Variants in ANKS3 observed in about 807,000 individuals in gnomAD.
ANKS3 encodes ankyrin repeat and SAM domain-containing protein 3.
A neutral mutation model predicts 80.7 loss-of-function variants in ANKS3; 62 were observed. That is an observed-to-expected ratio of 0.77 (90% CI 0.63 to 0.95). The LOEUF (loss-of-function observed/expected upper bound fraction) is 0.95. ANKS3 is among the 40% of genes least tolerant of loss of function. ANKS3 has a pLI of 0.00. For missense variants in ANKS3, 1,150 were observed against 883.6 expected, an observed-to-expected ratio of 1.30 and a Z score of -3.82; for synonymous variants, 489 against 355.3, an observed-to-expected ratio of 1.38 and a Z score of -4.23.
In ANKS3 at chr16:4,707,876, C is replaced by T. The variant is rs147826002; in HGVS notation, c.710-2623G>A. ...CTGTAATCCCAGCACTTTGGGAGGC[C>T]GAGGTGGGCGGATCACTTGAGGTCA... On this transcript the variant is annotated intron_variant, in intron 7 of 17. Coordinates refer to ENST00000304283, the MANE Select transcript of ANKS3 (RefSeq NM_133450.4). Among the ~76,000 whole-genome samples the T allele has an allele frequency of 2.4e-3, 370 of 152,032 alleles. 1 individual carries two copies. Among genetic ancestry groups the T allele is most frequent in the African/African-American group, 7.9e-3 (329 of 41,484 alleles).
chr16:4,711,098 ATTTTT>A (rs35899381), intron 7 of ANKS3, among the ~76,000 whole-genome samples: 3 of 104,476 alleles, frequency 2.9e-5, no homozygotes, highest in East Asian at 6.1e-4. Context: ...CTGAAACAGA[ATTTTT>A]TTTTTTTTTT....
At chr16:4,728,410 G>T (rs1189652294) in intron 3 of ANKS3, among the ~76,000 whole-genome samples, 1 of 152,132 alleles carries the variant, frequency 6.6e-6, no homozygotes. Flanking sequence ...AGTGACTCTG[G>T]GATGCACACC....
chr16:4,726,831 G>C, intron 4 of ANKS3, 51 bp from the exon 5 acceptor site: 1 of 1,601,664 alleles, frequency 6.2e-7, no homozygotes, highest in Non-Finnish European at 8.5e-7. Context: ...TCTGCGTGGG[G>C]CGGGCGCCCT....
chr16:4,724,675 A>G (rs2081266787), intron 6 of ANKS3, 75 bp downstream of exon 6: 2 of 1,383,100 alleles, frequency 1.4e-6, no homozygotes, highest in East Asian at 4.6e-5. Context: ...AAAATTCTGT[A>G]ATAGCTTATA....
chr16:4,718,585 G>A (rs975012442), intron 6 of ANKS3, among the ~76,000 whole-genome samples: 2 of 152,212 alleles, frequency 1.3e-5, no homozygotes, highest in African/African-American at 4.8e-5. Flanking sequence ...TGGAGGGACA[G>A]GCTGGGAAAC....
In ANKS3 at chr16:4,697,006, CA is replaced by C; in HGVS notation, c.*11+10del. 1 of 1,611,214 alleles carries C rather than the reference CA, an allele frequency of 6.2e-7. No individual in the cohort carries two copies. The highest frequency in any genetic ancestry group is 8.5e-7 in the Non-Finnish European group (1 of 1,179,014). On this transcript the variant is annotated intron_variant, in intron 17 of 17. Transcript: ENST00000304283. ...TCCCACCACGCGGGATCCAGGCTGG[CA>C]GACACTCACCGGCCCGCAGGCTAGG...
chr16:4,708,731 G>A (rs2080331859), intron 7 of ANKS3, among the ~76,000 whole-genome samples: 3 of 151,698 alleles, frequency 2.0e-5, no homozygotes, highest in Admixed American at 6.6e-5. Flanking sequence ...TGAGGAGATC[G>A]AGACCATCCT....
rs1046449584 is a variant in ANKS3, at chr16:4,698,460, G to A, written c.1691C>T (p.Ala564Val). 7 of 1,542,026 alleles carry A rather than the reference G, an allele frequency of 4.5e-6. No individual in the cohort carries two copies. Among genetic ancestry groups the A allele is most frequent in the Non-Finnish European group, 6.1e-6 (7 of 1,150,826 alleles). The change falls in exon 14 of 18, where the codon GCC (alanine) becomes GTC (valine). Residue 564 changes from alanine (A) to valine (V), a missense_variant. Physicochemically the swap from Ala to Val is moderately conservative, Grantham distance 64. Coordinates refer to ENST00000304283, the MANE Select transcript of ANKS3 (RefSeq NM_133450.4). The stretch of plus-strand genomic sequence containing the variant: ...GTCCAGGACGAGGGCAGCATCCCGG[G>A]CCAGGGCCCACGTCTCCCGCAGCCG... ...QARLRETWAL[A>V]RDAALVLDQL... is the part of the protein sequence containing the mutation.
chr16:4,697,254 C>T lies in ANKS3; in HGVS notation c.1894+79G>A, dbSNP rs1381448212. 47 of 1,546,612 alleles carry T rather than the reference C, an allele frequency of 3.0e-5. No homozygotes were observed. Among genetic ancestry groups the T allele is most frequent in the African/African-American group, 4.1e-5 (3 of 73,282 alleles). Reference sequence around the variant, plus strand: ...GCCTTGGGGTAGAGAGACACAAACCCGCTTTCCCTGGAAAGGGGTCCCTTT... The same window carrying T: ...GCCTTGGGGTAGAGAGACACAAACCTGCTTTCCCTGGAAAGGGGTCCCTTT... On this transcript the variant is annotated intron_variant, in intron 16 of 17. Coordinates refer to ENST00000304283, the MANE Select transcript of ANKS3 (RefSeq NM_133450.4).
chr16:4,719,673 C>A (rs1409508898), intron 6 of ANKS3, among the ~76,000 whole-genome samples: 4 of 151,406 alleles, frequency 2.6e-5, no homozygotes, highest in African/African-American at 9.7e-5. Context: ...GTAGTGCGTG[C>A]CTGTAGTCCC....
chr16:4,728,512 G>C (rs1409240688), intron 3 of ANKS3, among the ~76,000 whole-genome samples: 1 of 152,082 alleles, frequency 6.6e-6, no homozygotes, highest in Admixed American at 6.6e-5. Flanking sequence ...AGCAGGGCTC[G>C]AATGCACCCA....
In ANKS3 at chr16:4,705,123, C is replaced by T. The variant is rs140116270; in HGVS notation, c.840G>A (p.Leu280=). The T allele has an allele frequency of 2.5e-6, 4 of 1,612,970 alleles. No individual in the cohort carries two copies. Among genetic ancestry groups the T allele is most frequent in the Non-Finnish European group, 3.4e-6 (4 of 1,180,042 alleles). The part of the protein sequence containing the change: ...RALARITGIG[L]GGRAPRPRYE... The stretch of plus-strand genomic sequence containing the variant: ...AGCGAGGCCGTGGGGCTCTGCCGCC[C>T]AGGCCAATGCCTGTGATCCTGGCCA... Residue 280 remains leucine (L), a synonymous_variant, in exon 8 of 18, where the codon CTG becomes CTA. Coordinates refer to ENST00000304283, the MANE Select transcript of ANKS3 (RefSeq NM_133450.4).
intron 7 of ANKS3, among the ~76,000 whole-genome samples, chr16:4,710,871 T>A (rs1233643347): frequency 6.6e-6 from 1 of 152,220 alleles, no homozygotes; most frequent in African/African-American, 2.4e-5. Flanking sequence ...TGATTTTGGC[T>A]TACTGCAATC....
At chr16:4,700,949 C>G in intron 11 of ANKS3, 21 bp downstream of exon 11, 1 of 1,613,670 alleles carries the variant, frequency 6.2e-7, no homozygotes, top group Non-Finnish European at 8.5e-7. Flanking sequence ...GTGTAACCTC[C>G]AGTTTCACAA....
chr16:4,715,967 G>A (rs1013362243), intron 6 of ANKS3, among the ~76,000 whole-genome samples: 4 of 152,104 alleles, frequency 2.6e-5, no homozygotes, highest in African/African-American at 9.7e-5. Context: ...AGCTACGTGA[G>A]AGCATATCCA....
At chr16:4,730,972 A>G (rs1275755811) in intron 2 of ANKS3, among the ~76,000 whole-genome samples, 1 of 152,212 alleles carries the variant, frequency 6.6e-6, no homozygotes, top group Non-Finnish European at 1.5e-5. Flanking sequence ...ATGATACATA[A>G]AAGAATGGAT....
intron 6 of ANKS3, among the ~76,000 whole-genome samples, chr16:4,720,995 C>T (rs2142123036): frequency 7.1e-6 from 1 of 140,778 alleles, no homozygotes; most frequent in African/African-American, 2.6e-5. Flanking sequence ...GAATACCATG[C>T]CACCATAAAA....
In ANKS3 at chr16:4,727,161, T is replaced by C. The variant is rs1430938845; in HGVS notation, c.187A>G (p.Asn63Asp). ...GTCCAGCCACCACCATTCTTCTTATTCAAATCTAACTCTCTCCTAAACAAA... is the reference window on the plus strand; with the variant it reads ...GTCCAGCCACCACCATTCTTCTTATCCAAATCTAACTCTCTCCTAAACAAA... ...ECVQRRELDL[N>D]KKNGGGWTPL... Residue 63 changes from asparagine to aspartate, a missense_variant, in exon 4 of 18, where the codon AAT becomes GAT. Coordinates refer to ENST00000304283, the MANE Select transcript of ANKS3 (RefSeq NM_133450.4). The C allele has an allele frequency of 6.2e-7, 1 of 1,614,090 alleles. No individual in the cohort carries two copies. The highest frequency in any genetic ancestry group is 1.3e-5 in the African/African-American group (1 of 75,036).
chr16:4,730,407 C>T (rs749676270), intron 2 of ANKS3, among the ~76,000 whole-genome samples: 75 of 152,166 alleles, frequency 4.9e-4, no homozygotes, highest in Non-Finnish European at 9.1e-4. Context: ...CTGTGGAGTA[C>T]CTGCTCCTCC....
Sources: allele counts gnomAD v4.1 joint callset (sites outside exome capture counted in the v4.1 genomes callset), GRCh38; gene constraint gnomAD v4.1.1; transcripts MANE v1.5; gene names NCBI Gene and HGNC (gene_info 2026-07-23, HGNC 2026-07-21).